The following MUC3A variants were observed in gnomAD, a reference collection of about 807,000 sequenced individuals.
MUC3A encodes mucin 3A, cell surface associated, also known as mucin-3A.
Under a neutral mutation model 109.0 loss-of-function variants are expected in MUC3A, and 109 were observed. The ratio of observed to expected loss-of-function variants is 1.00; its 90% CI spans 0.86 to 1.17. The LOEUF (loss-of-function observed/expected upper bound fraction) is 1.17, where lower values mean the gene tolerates loss of function less well. Among genes scored for constraint, MUC3A ranks in the 50% most tolerant of loss-of-function variants. The pLI is 0.00. For missense variants in MUC3A, 3,537 were observed against 2,469.4 expected, an observed-to-expected ratio of 1.43 and a Z score of -9.16; for synonymous variants, 1,398 against 981.4, an observed-to-expected ratio of 1.42 and a Z score of -7.93.
chr7:100,966,841 C>T (rs1792590285), intron 10 of MUC3A, 58 bp from the exon 11 acceptor site: 2 of 1,598,372 alleles, frequency 1.3e-6, no homozygotes, highest in Non-Finnish European at 1.7e-6. Context: ...CTCCGTCCCC[C>T]TCTCCCTTCC....
At chr7:100,966,847 C>T (rs1241348386) in intron 10 of MUC3A, 52 bp from the exon 11 acceptor site, 4 of 1,598,314 alleles carry the variant, frequency 2.5e-6, no homozygotes, top group Non-Finnish European at 3.4e-6. Flanking sequence ...CCCCCTCTCC[C>T]TTCCGTCCCC....
intron 5 of MUC3A, chr7:100,964,021 C>T (rs1413477699): frequency 8.3e-6 from 5 of 601,692 alleles, no homozygotes; most frequent in African/African-American, 5.6e-5. Context: ...TGACTTTGTC[C>T]CCCTCTGGCT....
chr7:100,966,614 G>A lies in MUC3A; in HGVS notation c.9786-38G>A, dbSNP rs768604543. The A allele has an allele frequency of 5.0e-6, 8 of 1,597,966 alleles. No homozygotes were observed. The African/African-American group carries it at 8.0e-5, about 16-fold the overall frequency. On this transcript the variant is annotated intron_variant, in intron 9 of 11. Coordinates refer to ENST00000379458, the MANE Select transcript of MUC3A (RefSeq NM_005960.2). ...CGAGGGCAGCCAAGGGGTCCCAGGCGGGCCGGCTCTGTCTGACCGCGCGGC... is the reference window on the plus strand; with the variant it reads ...CGAGGGCAGCCAAGGGGTCCCAGGCAGGCCGGCTCTGTCTGACCGCGCGGC...
At chr7:100,965,017 C>G in intron 6 of MUC3A, 174 bp downstream of exon 6, 1 of 1,179,180 alleles carries the variant, frequency 8.5e-7, no homozygotes, top group Non-Finnish European at 1.2e-6. Context: ...GGAGGGTCTC[C>G]CCGTGACCTC....
rs184858925 is a variant in MUC3A at position 100,966,659 on chromosome 7, G to A, written c.9793G>A (p.Asp3265Asn). 328 of 1,598,344 alleles carry A rather than the reference G, an allele frequency of 2.1e-4. No individual in the cohort carries two copies. In the African/African-American group the frequency reaches 3.5e-3, roughly 17 times the overall value. Residue 3265 changes from aspartate to asparagine, a missense_variant, in exon 10 of 12, where the codon GAC (aspartate) becomes AAC (asparagine). Asp to Asn is a conservative substitution (Grantham distance 23, BLOSUM62 1). Transcript: ENST00000379458. ...CGCGGCGGCCCCACCTAGGTCCTGG[G>A]ACCAGGACAGGAAATGGTTCGAGAC... is the stretch of plus-strand genomic sequence containing the variant. ...WGGQRRGRSW[D>N]QDRKWFETWD... is the part of the protein sequence containing the mutation.
Position 100,959,432 on chromosome 7 carries a change from G to T in MUC3A, c.7653G>T (p.Val2551=). Residue 2551 remains valine (V), a synonymous_variant, in exon 2 of 12, where the codon GTG becomes GTT. Transcript: ENST00000379458. ...CCACCTCTCCCACCATGTCCACTGT[G>T]AGAATGACCCTCAGAATTACTGAGA... is the stretch of plus-strand genomic sequence containing the variant. ...VGTTSPTMST[V]RMTLRITENT... is the part of the protein sequence containing the mutation. 1.3e-6 allele frequency: 2 copies of T among 1,543,582 alleles called. No homozygotes were observed. The highest frequency in any genetic ancestry group is 1.9e-5 in the Admixed American group (1 of 51,414).
At position 100,958,022 on chromosome 7, in the gene MUC3A, C is replaced by A; in HGVS notation, c.6243C>A (p.Thr2081=). Residue 2081 remains threonine (T), a synonymous_variant, in exon 2 of 12, where the codon ACC becomes ACA. Coordinates refer to ENST00000379458, the MANE Select transcript of MUC3A (RefSeq NM_005960.2). The part of the protein sequence containing the change: ...HSTLSYTTSI[T]TTETPSHSTL... ...CTCTCAGCTACACTACCTCAATCAC[C>A]ACCACCGAGACCCCCTCACACAGTA... 1 of 1,065,092 alleles carries A rather than the reference C, an allele frequency of 9.4e-7. No homozygotes were observed. Among genetic ancestry groups the A allele is most frequent in the Non-Finnish European group, 1.4e-6 (1 of 702,260 alleles). 66.0% of individuals were successfully genotyped at this position (1,065,092 alleles called of 1,614,324 possible). A position where few individuals can be genotyped will look rare whatever the true frequency, so the allele number is the denominator to read the frequency against.
chr7:100,959,154 A>G lies in MUC3A; in HGVS notation c.7375A>G (p.Ile2459Val), dbSNP rs1311342353. ...CACAGTCAGCACATCCACAACTGCCATCACCTCACATTTTACTACCTCAGA... is the reference window on the plus strand; with the variant it reads ...CACAGTCAGCACATCCACAACTGCCGTCACCTCACATTTTACTACCTCAGA... ...YSTVSTSTTA[I>V]TSHFTTSETA... Residue 2459 changes from isoleucine (I) to valine (V), a missense_variant, in exon 2 of 12, where the codon ATC becomes GTC. Coordinates refer to ENST00000379458, the MANE Select transcript of MUC3A (RefSeq NM_005960.2). 2 of 1,583,072 alleles carry G rather than the reference A, an allele frequency of 1.3e-6. No individual in the cohort carries two copies. The highest frequency in any genetic ancestry group is 1.7e-6 in the Non-Finnish European group (2 of 1,173,772).
In MUC3A at chr7:100,952,026, C is replaced by CA. The variant is rs748444626; in HGVS notation, c.248dup (p.His83GlnfsTer2). On this transcript the variant is annotated frameshift_variant, in exon 2 of 12. Coordinates refer to ENST00000379458, the MANE Select transcript of MUC3A (RefSeq NM_005960.2). LOFTEE classifies it high-confidence loss of function. The stretch of plus-strand genomic sequence containing the variant: ...ACCTATGACACTCACTACCTCCCCC[C>CA]ATGACACACTCATCTCTGAAACATT... 1 of 1,598,678 alleles carries CA rather than the reference C, an allele frequency of 6.3e-7. No homozygotes were observed. The highest frequency in any genetic ancestry group is 8.5e-7 in the Non-Finnish European group (1 of 1,179,816).
rs1301693887 is a variant in MUC3A, at chr7:100,966,568, G to GC, written c.9785+10dup. ...GGCCAGCGCCGAGGCCGGTGAGCGT[G>GC]CGGGGGGCGGGGCCGGGGGGCGAGG... is the stretch of plus-strand genomic sequence containing the variant. On this transcript the variant is annotated intron_variant, in intron 9 of 11. Coordinates refer to ENST00000379458, the MANE Select transcript of MUC3A (RefSeq NM_005960.2). 3.9e-5 allele frequency: 58 copies of GC among 1,491,472 alleles called. No homozygotes were observed. The highest frequency in any genetic ancestry group is 3.7e-4 in the Middle Eastern group (2 of 5,360). The allele number at this position is 1,491,472 out of a possible 1,614,324, so 92.4% of individuals were successfully genotyped here. A position where few individuals can be genotyped will look rare whatever the true frequency, so the allele number is the denominator to read the frequency against.
In MUC3A at chr7:100,957,437, A is replaced by T. The variant is rs1244008358; in HGVS notation, c.5658A>T (p.Thr1886=). ...SSSLLTTVTA[T]VPTTNLVTTT... Reference sequence around the variant, plus strand: ...CTCTCCTCACCACAGTAACAGCCACAGTTCCAACAACAAACTTGGTAACCA... The same window carrying T: ...CTCTCCTCACCACAGTAACAGCCACTGTTCCAACAACAAACTTGGTAACCA... Residue 1886 remains threonine, a synonymous_variant, in exon 2 of 12, where the codon ACA becomes ACT. Coordinates refer to ENST00000379458, the MANE Select transcript of MUC3A (RefSeq NM_005960.2). 1 of 817,904 alleles carries T rather than the reference A, an allele frequency of 1.2e-6. No homozygotes were observed. The allele number at this position is 817,904 out of a possible 1,614,324, so 50.7% of individuals were successfully genotyped here. A position where few individuals can be genotyped will look rare whatever the true frequency, so the allele number is the denominator to read the frequency against.
In MUC3A at chr7:100,960,178, C is replaced by T. The variant is rs376776599; in HGVS notation, c.8399C>T (p.Thr2800Ile). 40 of 1,581,272 alleles carry T rather than the reference C, an allele frequency of 2.5e-5. No individual in the cohort carries two copies. Among genetic ancestry groups the T allele is most frequent in the Non-Finnish European group, 3.2e-5 (38 of 1,169,516 alleles). The change falls in exon 2 of 12, where the codon ACC becomes ATC. Residue 2800 changes from threonine (T) to isoleucine (I), a missense_variant. Coordinates refer to ENST00000379458, the MANE Select transcript of MUC3A (RefSeq NM_005960.2). ...DPSTEATSPP[T>I]TPLTVFPFTT... ...AGCACTGAAGCTACTTCTCCTCCCA[C>T]CACCCCATTAACAGTCTTTCCCTTT...
Position 100,959,377 on chromosome 7 carries a change from A to C in MUC3A, c.7598A>C (p.Gln2533Pro). 1 of 1,538,628 alleles carries C rather than the reference A, an allele frequency of 6.5e-7. No individual in the cohort carries two copies. The highest frequency in any genetic ancestry group is 1.3e-5 in the South Asian group (1 of 79,102). The change falls in exon 2 of 12, where the codon CAA becomes CCA. Residue 2533 changes from glutamine to proline, a missense_variant. Coordinates refer to ENST00000379458, the MANE Select transcript of MUC3A (RefSeq NM_005960.2). ...ATCATTTCATCTTCTCCCTCCATCC[A>C]AAGTACAGAAACCTCATCCCTTGTG... ...THIISSSPSIQSTETSSLVGT... is the reference protein window; with the variant it reads ...THIISSSPSIPSTETSSLVGT...
rs2116164951 is a variant in MUC3A at position 100,953,453 on chromosome 7, C to T, written c.1674C>T (p.Ser558=). The T allele has an allele frequency of 2.0e-6, 1 of 499,102 alleles. No individual in the cohort carries two copies. The highest frequency in any genetic ancestry group is 3.2e-5 in the East Asian group (1 of 31,322). The allele number at this position is 499,102 out of a possible 1,614,324, so 30.9% of individuals were successfully genotyped here. A position where few individuals can be genotyped will look rare whatever the true frequency, so the allele number is the denominator to read the frequency against. The part of the protein sequence containing the change: ...HTESISSPPA[S]TSTLHTTAES... ...AGAGTATCTCCTCACCTCCAGCCAG[C>T]ACCAGTACACTCCACACAACAGCTG... is the stretch of plus-strand genomic sequence containing the variant. The change falls in exon 2 of 12, where the codon AGC becomes AGT. Residue 558 remains serine, a synonymous_variant. Transcript: ENST00000379458.
Position 100,958,094 on chromosome 7 carries a change from C to A in MUC3A, c.6315C>A (p.His2105Gln). The A allele has an allele frequency of 7.2e-7, 1 of 1,391,726 alleles. No homozygotes were observed. The highest frequency in any genetic ancestry group is 1.7e-5 in the Admixed American group (1 of 59,070). 86.2% of individuals were successfully genotyped at this position (1,391,726 alleles called of 1,614,324 possible). The change falls in exon 2 of 12, where the codon CAC becomes CAA. Residue 2105 changes from histidine to glutamine, a missense_variant. Physicochemically the swap from His to Gln is conservative, Grantham distance 24. Coordinates refer to ENST00000379458, the MANE Select transcript of MUC3A (RefSeq NM_005960.2). ...SSITTTETTS[H>Q]STPSFTSSIT... ...TCACCACCACTGAGACCACCTCACA[C>A]AGTACTCCCAGCTTCACTTCCTCAA...
chr7:100,965,701 C>A lies in MUC3A; in HGVS notation c.9449-3C>A. 6.3e-7 allele frequency: 1 copy of A among 1,596,146 alleles called. No individual in the cohort carries two copies. The highest frequency in any genetic ancestry group is 8.5e-7 in the Non-Finnish European group (1 of 1,178,366). On this transcript the variant is annotated splice_region_variant and splice_polypyrimidine_tract_variant and intron_variant, in intron 7 of 11. Coordinates refer to ENST00000379458, the MANE Select transcript of MUC3A (RefSeq NM_005960.2). Reference sequence around the variant, plus strand: ...TCTGTGCATCCCCCTCCCCAACCCCCAGCCATCTGCCGCCGCGCCGCTCCC... The same window carrying A: ...TCTGTGCATCCCCCTCCCCAACCCCAAGCCATCTGCCGCCGCGCCGCTCCC...
chr7:100,965,721 G>T lies in MUC3A; in HGVS notation c.9466G>T (p.Ala3156Ser). ...ACCCCCAGCCATCTGCCGCCGCGCC[G>T]CTCCCACGGGCTATGAAGAGTTCTA... ...LTPAAICRRA[A>S]PTGYEEFYFP... Residue 3156 changes from alanine (A) to serine (S), a missense_variant, in exon 8 of 12, where the codon GCT becomes TCT. By Grantham distance (99) the Ala-to-Ser change is moderately conservative (BLOSUM62 1). Transcript: ENST00000379458. The T allele has an allele frequency of 1.3e-6, 2 of 1,597,500 alleles. No homozygotes were observed. Among genetic ancestry groups the T allele is most frequent in the Non-Finnish European group, 8.5e-7 (1 of 1,179,206 alleles).
Position 100,965,313 on chromosome 7 carries a change from GA to G in MUC3A, c.9416del (p.Asn3139ThrfsTer8). ...GTTTTAAGCCTGACTCCATCAAGGT[GA>G]ACAACAACAGCAAGACAGAGCTGAC... ...LCFKPDSIKV[N>X]NNSKTELTPA... On this transcript the variant is annotated frameshift_variant, in exon 7 of 12. Transcript: ENST00000379458. LOFTEE classifies it high-confidence loss of function. 6.3e-7 allele frequency: 1 copy of G among 1,599,230 alleles called. No individual in the cohort carries two copies. Among genetic ancestry groups the G allele is most frequent in the Non-Finnish European group, 8.5e-7 (1 of 1,179,730 alleles).
At position 100,960,365 on chromosome 7, in the gene MUC3A, A is replaced by G; in HGVS notation, c.8586A>G (p.Thr2862=). 6.3e-7 allele frequency: 1 copy of G among 1,598,540 alleles called. No homozygotes were observed. The highest frequency in any genetic ancestry group is 8.5e-7 in the Non-Finnish European group (1 of 1,179,832). ...TGTVPTNTVF[T]STRLPTSETW... is the part of the protein sequence containing the mutation. Reference sequence around the variant, plus strand: ...CTGTACCCACAAACACAGTTTTCACAAGTACTCGACTGCCCACCAGTGAGA... The same window carrying G: ...CTGTACCCACAAACACAGTTTTCACGAGTACTCGACTGCCCACCAGTGAGA... The change falls in exon 2 of 12, where the codon ACA becomes ACG. Residue 2862 remains threonine, a synonymous_variant. Coordinates refer to ENST00000379458, the MANE Select transcript of MUC3A (RefSeq NM_005960.2).
Sources: gnomAD v4.1 joint callset for allele counts on GRCh38, gnomAD v4.1.1 for gene constraint, MANE v1.5 for transcripts, NCBI Gene and HGNC (gene_info 2026-07-23, HGNC 2026-07-21) for gene names.